RAB3IP: variants seen among roughly 807,000 people sequenced by gnomAD.
RAB3IP encodes the protein RAB3A interacting protein, also known as rab-3A-interacting protein.
In RAB3IP, 36 loss-of-function variants were observed where a neutral mutation model predicts 59.1. The observed-to-expected ratio is 0.61, with a 90% CI of 0.47 to 0.80. RAB3IP has a LOEUF of 0.80. Among genes scored for constraint, RAB3IP ranks in the 30% least tolerant of loss-of-function variants. The pLI is 0.00. For synonymous variants in RAB3IP, 207 were observed against 191.2 expected, an observed-to-expected ratio of 1.08 and a Z score of -0.68; for missense variants, 511 against 536.0, an observed-to-expected ratio of 0.95 and a Z score of 0.46.
intron 1 of RAB3IP, among the ~76,000 whole-genome samples, chr12:69,754,346 C>CGG (rs1194496896): frequency 4.8e-4 from 45 of 92,954 alleles, no homozygotes; most frequent in African/African-American, 1.3e-3. Flanking sequence ...TACACGGGCA[C>CGG]ACACACACAC....
At position 69,815,354 on chromosome 12, in the gene RAB3IP, GT is replaced by G. The variant is rs1565937766; in HGVS notation, c.1301-7del. The G allele has an allele frequency of 6.3e-7, 1 of 1,575,138 alleles. No homozygotes were observed. Among genetic ancestry groups the G allele is most frequent in the Non-Finnish European group, 8.7e-7 (1 of 1,145,470 alleles). On this transcript the variant is annotated splice_polypyrimidine_tract_variant and intron_variant, in intron 10 of 10. Transcript: ENST00000247833. ...TATGATTTAAATATCTCTCTTTTCTGTTTGTATAGTTGATCAGATGTTTTGG... is the reference window on the plus strand; with the variant it reads ...TATGATTTAAATATCTCTCTTTTCTGTTGTATAGTTGATCAGATGTTTTGG...
chr12:69,813,918 G>A (rs1436336486), intron 10 of RAB3IP, among the ~76,000 whole-genome samples: 1 of 152,108 alleles, frequency 6.6e-6, no homozygotes. Flanking sequence ...CTTTCTCAAG[G>A]TCTGGTATGT....
chr12:69,748,066 C>G (rs972726060), intron 1 of RAB3IP, among the ~76,000 whole-genome samples: 1 of 109,908 alleles, frequency 9.1e-6, no homozygotes, highest in African/African-American at 2.8e-5. Flanking sequence ...AAAATCACAG[C>G]TTTAGTTTTT....
intron 3 of RAB3IP, among the ~76,000 whole-genome samples, chr12:69,761,528 A>T (rs927851096): frequency 3.3e-5 from 5 of 152,182 alleles, no homozygotes; most frequent in Admixed American, 6.5e-5. Flanking sequence ...CTACTTACTC[A>T]TTTATATTAC....
chr12:69,818,980 T>C lies in RAB3IP; in HGVS notation c.*3534T>C, dbSNP rs1197346597. 6.6e-6 allele frequency: 1 copy of C among 152,158 alleles called. No individual in the cohort carries two copies. The highest frequency in any genetic ancestry group is 2.4e-5 in the African/African-American group (1 of 41,404). 9.4% of individuals were successfully genotyped at this position (152,158 alleles called of 1,614,324 possible). A position where few individuals can be genotyped will look rare whatever the true frequency, so the allele number is the denominator to read the frequency against. On this transcript the variant is annotated 3_prime_UTR_variant, in exon 11 of 11. Transcript: ENST00000247833. Reference sequence around the variant, plus strand: ...GTCCCAGCTACTTGGGAGTCTGAGATAGGAAGATCCTTGAGGCCAGTTCAA... The same window carrying C: ...GTCCCAGCTACTTGGGAGTCTGAGACAGGAAGATCCTTGAGGCCAGTTCAA...
chr12:69,795,667 G>A (rs746622867), intron 6 of RAB3IP: 25 of 432,910 alleles, frequency 5.8e-5, no homozygotes, highest in African/African-American at 8.0e-5. Flanking sequence ...GCTAGAGTGC[G>A]CTTACAAAGT....
intron 1 of RAB3IP, among the ~76,000 whole-genome samples, chr12:69,747,293 C>CGTGTGTGT (rs111438084): frequency 2.2e-4 from 31 of 137,794 alleles, no homozygotes; most frequent in Admixed American, 7.3e-4. Flanking sequence ...CTTGCCCTTT[C>CGTGTGTGT]GTGTGTGTGT....
rs1007791709 is a variant in RAB3IP at position 69,739,051 on chromosome 12, G to A, written c.-26+20G>A. ...CTTCAGGTGAGTGCGGCCGCGGGAG[G>A]GAGAGGCCCGGAGCGTAGAGCACCG... is the stretch of plus-strand genomic sequence containing the variant. On this transcript the variant is annotated intron_variant, in intron 1 of 10. Transcript: ENST00000247833. The A allele has an allele frequency of 1.4e-4, 21 of 152,160 alleles. No individual in the cohort carries two copies. Among genetic ancestry groups the A allele is most frequent in the Non-Finnish European group, 2.4e-4 (16 of 67,998 alleles). 9.4% of individuals were successfully genotyped at this position (152,160 alleles called of 1,614,324 possible). A position where few individuals can be genotyped will look rare whatever the true frequency, so the allele number is the denominator to read the frequency against.
rs894423803 is a variant in RAB3IP at position 69,815,547 on chromosome 12, C to CT, written c.*107dup. Reference sequence around the variant, plus strand: ...TTATTTCCAAGGAGTGAGCCTAAGACTTTTTTCCCCTTTTGCAAATTGCTC... The same window carrying CT: ...TTATTTCCAAGGAGTGAGCCTAAGACTTTTTTTCCCCTTTTGCAAATTGCTC... On this transcript the variant is annotated 3_prime_UTR_variant, in exon 11 of 11. Transcript: ENST00000247833. 7.5e-6 allele frequency: 6 copies of CT among 799,846 alleles called. No individual in the cohort carries two copies. The African/African-American group carries it at 8.6e-5, about 12-fold the overall frequency. The allele number at this position is 799,846 out of a possible 1,614,324, so 49.5% of individuals were successfully genotyped here.
Position 69,821,130 on chromosome 12 carries a change from T to A in RAB3IP, c.*5684T>A, listed in dbSNP as rs1881697424. 6.6e-6 allele frequency: 1 copy of A among 152,268 alleles called. No individual in the cohort carries two copies. The allele number at this position is 152,268 out of a possible 1,614,324, so 9.4% of individuals were successfully genotyped here. Reference sequence around the variant, plus strand: ...GGACTAGATTCTAGAGCTACAGGTCTCAGGGACAGTCTCGAGGGATACAGG... The same window carrying A: ...GGACTAGATTCTAGAGCTACAGGTCACAGGGACAGTCTCGAGGGATACAGG... On this transcript the variant is annotated 3_prime_UTR_variant, in exon 11 of 11. Transcript: ENST00000247833.
rs753548488 is a variant in RAB3IP, at chr12:69,795,121, T to C, written c.685-20T>C. The C allele has an allele frequency of 5.0e-6, 8 of 1,587,260 alleles. No homozygotes were observed. The highest frequency in any genetic ancestry group is 1.7e-4 in the Middle Eastern group (1 of 5,990). On this transcript the variant is annotated intron_variant, in intron 5 of 10. Transcript: ENST00000247833. The stretch of plus-strand genomic sequence containing the variant: ...ATGAAACGTATTTAATGTATGTGAC[T>C]ATGTTGATTTCTTTCCAAGATTGAT...
At chr12:69,784,518 ATTTG>A (rs1875303308) in intron 3 of RAB3IP, among the ~76,000 whole-genome samples, 198 bp from the exon 4 acceptor site, 1 of 151,328 alleles carries the variant, frequency 6.6e-6, no homozygotes, top group Admixed American at 6.6e-5. Flanking sequence ...TGAAAATTTA[ATTTG>A]TTAGTTGGGA....
intron 1 of RAB3IP, among the ~76,000 whole-genome samples, chr12:69,743,324 A>G (rs919398838): frequency 3.9e-5 from 6 of 152,350 alleles, no homozygotes; most frequent in African/African-American, 7.2e-5. Context: ...ATTTGTATCA[A>G]TTCCCTGTGG....
At chr12:69,805,545 T>C (rs1171622735) in intron 8 of RAB3IP, among the ~76,000 whole-genome samples, 16 of 151,708 alleles carry the variant, frequency 1.1e-4, no homozygotes, top group East Asian at 7.7e-4. Context: ...TGAATAGGAG[T>C]GGTGAGAGAG....
intron 1 of RAB3IP, among the ~76,000 whole-genome samples, chr12:69,747,097 T>G (rs1480689689): frequency 1.3e-5 from 2 of 152,188 alleles, no homozygotes; most frequent in Non-Finnish European, 2.9e-5. Flanking sequence ...TCAACAATCA[T>G]TGCTTTTTGT....
chr12:69,744,099 T>C (rs1348709596), intron 1 of RAB3IP, among the ~76,000 whole-genome samples: 1 of 152,034 alleles, frequency 6.6e-6, no homozygotes, highest in African/African-American at 2.4e-5. Context: ...ACCCATCATC[T>C]ACCTTAGGTA....
rs908812753 is a variant in RAB3IP at position 69,820,043 on chromosome 12, T to C, written c.*4597T>C. On this transcript the variant is annotated 3_prime_UTR_variant, in exon 11 of 11. Coordinates refer to ENST00000247833, the MANE Select transcript of RAB3IP (RefSeq NM_022456.5). Reference sequence around the variant, plus strand: ...CCACAAGAATCCTGTGTGTTTTTGTTTTGTGCATCCAGTCTAAAACGGGTC... The same window carrying C: ...CCACAAGAATCCTGTGTGTTTTTGTCTTGTGCATCCAGTCTAAAACGGGTC... 3 of 152,260 alleles carry C rather than the reference T, an allele frequency of 2.0e-5. No homozygotes were observed. The highest frequency in any genetic ancestry group is 4.4e-5 in the Non-Finnish European group (3 of 68,056). The allele number at this position is 152,260 out of a possible 1,614,324, so 9.4% of individuals were successfully genotyped here. A position where few individuals can be genotyped will look rare whatever the true frequency, so the allele number is the denominator to read the frequency against.
chr12:69,771,463 G>C (rs1029732568), intron 3 of RAB3IP, among the ~76,000 whole-genome samples: 1 of 151,804 alleles, frequency 6.6e-6, no homozygotes, highest in Non-Finnish European at 1.5e-5. Flanking sequence ...TGTGGTTGAG[G>C]CTGCAGTGAG....
At chr12:69,745,252 A>C (rs538896856) in intron 1 of RAB3IP, among the ~76,000 whole-genome samples, 159 of 152,272 alleles carry the variant, frequency 1.0e-3, no homozygotes, top group African/African-American at 3.6e-3. Context: ...GTACTTTTAC[A>C]AACTTTGTTC....
Sources: allele counts gnomAD v4.1 joint callset (sites outside exome capture counted in the v4.1 genomes callset), GRCh38; gene constraint gnomAD v4.1.1; transcripts MANE v1.5; gene names NCBI Gene and HGNC (gene_info 2026-07-23, HGNC 2026-07-21).